The following DDC variants were observed in gnomAD, a reference collection of about 807,000 sequenced individuals.
DDC encodes the protein aromatic-L-amino-acid decarboxylase.
A neutral mutation model predicts 60.0 loss-of-function variants in DDC; 43 were observed. The observed-to-expected ratio is 0.72, with a 90% CI of 0.56 to 0.92. The LOEUF is 0.92. DDC is among the 40% of genes least tolerant of loss of function. The probability of loss-of-function intolerance (pLI) is 0.00; values close to 1 mark genes in which losing one functional copy is unlikely to be tolerated. For synonymous variants in DDC, 232 were observed against 234.6 expected, an observed-to-expected ratio of 0.99 and a Z score of 0.10; for missense variants, 573 against 620.2, an observed-to-expected ratio of 0.92 and a Z score of 0.81.
rs114160229 is a variant in DDC at position 50,487,445 on chromosome 7, G to A, written c.945-7582C>T. ...GGATGTGTTTTTTGCTTAAGAAAAT[G>A]TATTTTTCTAGTTTAGAGGACCTTT... On this transcript the variant is annotated intron_variant, in intron 9 of 14. Transcript: ENST00000444124. 2.1e-3 allele frequency among the ~76,000 whole-genome samples: 319 copies of A among 152,192 alleles called. 1 individual carries two copies. The highest frequency in any genetic ancestry group is 7.3e-3 in the African/African-American group (305 of 41,538).
intron 6 of DDC, among the ~76,000 whole-genome samples, chr7:50,511,959 A>G (rs568313844): frequency 6.6e-6 from 1 of 152,254 alleles, no homozygotes; most frequent in East Asian, 1.9e-4. Context: ...CTAATTGAAA[A>G]GGGTAATGGG....
chr7:50,478,862 A>G (rs2042706361), intron 10 of DDC, among the ~76,000 whole-genome samples: 1 of 152,172 alleles, frequency 6.6e-6, no homozygotes, highest in Non-Finnish European at 1.5e-5. Context: ...ACAGCAATAT[A>G]TTAGCAATAT....
intron 6 of DDC, among the ~76,000 whole-genome samples, chr7:50,525,740 G>A (rs907270165): frequency 6.6e-6 from 1 of 151,694 alleles, no homozygotes; most frequent in African/African-American, 2.4e-5. Flanking sequence ...CTCCAACCTG[G>A]GTGATAGAGT....
chr7:50,466,872 C>T (rs970276467), intron 13 of DDC, among the ~76,000 whole-genome samples: 1 of 152,206 alleles, frequency 6.6e-6, no homozygotes, highest in South Asian at 2.1e-4. Context: ...AGAAGACACT[C>T]AGATTAGTGA....
In DDC at chr7:50,476,605, A is replaced by T. The variant is rs1051012565; in HGVS notation, c.1041+19T>A. 2 of 1,607,866 alleles carry T rather than the reference A, an allele frequency of 1.2e-6. No individual in the cohort carries two copies. The highest frequency in any genetic ancestry group is 1.3e-5 in the African/African-American group (1 of 74,934). ...GCACTCCACTAGCATTTGAGATTAC[A>T]GTGGAATCTCCCACTTACCCGGTAG... is the stretch of plus-strand genomic sequence containing the variant. On this transcript the variant is annotated intron_variant, in intron 11 of 14. Coordinates refer to ENST00000444124, the MANE Select transcript of DDC (RefSeq NM_001082971.2).
intron 9 of DDC, among the ~76,000 whole-genome samples, chr7:50,491,386 T>C (rs1324024817): frequency 6.6e-6 from 1 of 152,172 alleles, no homozygotes; most frequent in Non-Finnish European, 1.5e-5. Flanking sequence ...CTTTACAACC[T>C]GCTAAAAATG....
At chr7:50,493,090 T>C in intron 9 of DDC, 1 of 1,139,750 alleles carries the variant, frequency 8.8e-7, no homozygotes, top group Non-Finnish European at 1.3e-6. Flanking sequence ...AAAATATTTC[T>C]GGTCCCTGAC....
chr7:50,523,373 G>A (rs1187525972), intron 6 of DDC, among the ~76,000 whole-genome samples: 1 of 152,034 alleles, frequency 6.6e-6, no homozygotes, highest in Non-Finnish European at 1.5e-5. Context: ...TTGTTTAAAG[G>A]ATGAAATGAC....
intron 9 of DDC, among the ~76,000 whole-genome samples, chr7:50,481,204 C>A (rs2042759515): frequency 6.6e-6 from 1 of 152,086 alleles, no homozygotes; most frequent in Admixed American, 6.6e-5. Flanking sequence ...GTCATTGAGC[C>A]TTTATTTTTG....
chr7:50,525,526 G>A (rs2044013605), intron 6 of DDC, among the ~76,000 whole-genome samples: 1 of 152,172 alleles, frequency 6.6e-6, no homozygotes, highest in Non-Finnish European at 1.5e-5. Context: ...CACTTTGGAA[G>A]GCCGAGGCAG....
intron 9 of DDC, chr7:50,492,852 A>G: frequency 1.3e-6 from 2 of 1,558,856 alleles, no homozygotes; most frequent in Non-Finnish European, 1.7e-6. Flanking sequence ...ACAGCCGCCA[A>G]CTTGCTGGCA....
intron 2 of DDC, chr7:50,543,044 A>G (rs3807552): frequency 0.72 from 109,146 of 152,454 alleles, 39,700 homozygotes; most frequent in Admixed American, 0.81. Flanking sequence ...AACCACAGAC[A>G]TGCTGGGTCG....
rs73123289 is a variant in DDC at position 50,550,171 on chromosome 7, T to C, written c.-28-6058A>G. On this transcript the variant is annotated intron_variant, in intron 1 of 14. Coordinates refer to ENST00000444124, the MANE Select transcript of DDC (RefSeq NM_001082971.2). ...CTTTGTTTTAAGGAATTGCCACAGC[T>C]ACCATAACTTTCAGGTACTACCACC... 6.8e-3 allele frequency among the ~76,000 whole-genome samples: 1,030 copies of C among 152,326 alleles called. 4 individuals carry two copies. Among genetic ancestry groups the C allele is most frequent in the Non-Finnish European group, 0.012 (787 of 68,038 alleles).
chr7:50,465,749 A>G (rs1397502123), intron 13 of DDC, among the ~76,000 whole-genome samples: 2 of 152,274 alleles, frequency 1.3e-5, no homozygotes, highest in African/African-American at 4.8e-5. Context: ...AAAGTCCTAG[A>G]AGAAAACTGT....
intron 6 of DDC, among the ~76,000 whole-genome samples, chr7:50,519,469 T>C (rs914367442): frequency 3.3e-5 from 5 of 152,164 alleles, no homozygotes; most frequent in Non-Finnish European, 4.4e-5. Flanking sequence ...CAATTCACAA[T>C]TGCAAAATCG....
At chr7:50,488,916 T>C (rs1245671906) in intron 9 of DDC, among the ~76,000 whole-genome samples, 1 of 152,242 alleles carries the variant, frequency 6.6e-6, no homozygotes, top group East Asian at 1.9e-4. Context: ...CCTTTAACTT[T>C]TTCCCCTCTG....
chr7:50,529,129 T>C (rs2044123906), intron 5 of DDC, 79 bp downstream of exon 5: 1 of 1,578,204 alleles, frequency 6.3e-7, no homozygotes, highest in African/African-American at 1.3e-5. Context: ...AAGGATGCTG[T>C]TTGGTTTGGT....
chr7:50,493,914 G>A (rs2043064996), intron 9 of DDC, among the ~76,000 whole-genome samples: 1 of 152,234 alleles, frequency 6.6e-6, no homozygotes, highest in Non-Finnish European at 1.5e-5. Flanking sequence ...ATGCTTAGGA[G>A]GAAAGTGAAA....
intron 6 of DDC, among the ~76,000 whole-genome samples, chr7:50,511,141 A>G (rs992979512): frequency 6.6e-6 from 1 of 151,380 alleles, no homozygotes; most frequent in Non-Finnish European, 1.5e-5. Context: ...TTATGAATAC[A>G]TAAAATACAA....
Sources: gnomAD v4.1 joint callset for allele counts (sites outside exome capture counted in the v4.1 genomes callset) on GRCh38, gnomAD v4.1.1 for gene constraint, MANE v1.5 for transcripts, NCBI Gene and HGNC (gene_info 2026-07-23, HGNC 2026-07-21) for gene names.